CNTLN: variants seen among roughly 807,000 people sequenced by gnomAD.
CNTLN encodes centlein.
In CNTLN, 212 loss-of-function variants were observed where a neutral mutation model predicts 180.0. The observed-to-expected ratio is 1.18, with a 90% CI of 1.05 to 1.32. The LOEUF (loss-of-function observed/expected upper bound fraction) is 1.32, where lower values mean the gene tolerates loss of function less well. Among genes scored for constraint, CNTLN ranks in the 40% most tolerant of loss-of-function variants. The pLI is 0.00. For missense variants in CNTLN, 2,095 were observed against 1,610.9 expected, an observed-to-expected ratio of 1.30 and a Z score of -5.14; for synonymous variants, 722 against 563.1, an observed-to-expected ratio of 1.28 and a Z score of -3.99.
At chr9:17,135,450 C>T (rs749223049) in intron 1 of CNTLN, 25 bp downstream of exon 1, 4 of 1,575,148 alleles carry the variant, frequency 2.5e-6, no homozygotes, top group South Asian at 1.2e-5. Context: ...CGCAGTCCCC[C>T]TTTCCCCACC....
chr9:17,372,178 G>T (rs1245369418), intron 13 of CNTLN, among the ~76,000 whole-genome samples: 1 of 151,806 alleles, frequency 6.6e-6, no homozygotes, highest in Non-Finnish European at 1.5e-5. Context: ...ACAAAAAATT[G>T]GTTTATCAAA....
chr9:17,472,347 C>T (rs916549153), intron 23 of CNTLN, among the ~76,000 whole-genome samples: 4 of 152,034 alleles, frequency 2.6e-5, no homozygotes, highest in Non-Finnish European at 5.9e-5. Context: ...ATTAGAGTCA[C>T]GCACCCCAAT....
At chr9:17,480,982 C>T (rs1011929680) in intron 23 of CNTLN, among the ~76,000 whole-genome samples, 2 of 152,146 alleles carry the variant, frequency 1.3e-5, no homozygotes, top group Non-Finnish European at 2.9e-5. Context: ...AGACAGGGAG[C>T]CAAGCTGACA....
intron 8 of CNTLN, among the ~76,000 whole-genome samples, chr9:17,327,411 C>T (rs1478409906): frequency 6.6e-6 from 1 of 151,252 alleles, no homozygotes; most frequent in Non-Finnish European, 1.5e-5. Flanking sequence ...GTCTCGATCT[C>T]CTGACCTCGT....
chr9:17,359,360 A>G (rs1823110619), intron 12 of CNTLN, among the ~76,000 whole-genome samples: 1 of 152,064 alleles, frequency 6.6e-6, no homozygotes, highest in South Asian at 2.1e-4. Context: ...ATAGAAATGA[A>G]AAATTGATAA....
rs752636754 is a variant in CNTLN at position 17,332,675 on chromosome 9, A to G, written c.1589A>G (p.Lys530Arg). The change falls in exon 10 of 26, where the codon AAG (lysine) becomes AGG (arginine). Residue 530 changes from lysine to arginine, a missense_variant. Transcript: ENST00000380647. ...SSFTDSEELQ[K>R]LRKAERKIEN... ...TTCACAGACTCAGAAGAGCTACAGA[A>G]GCTGAGAAAAGCTGAAAGAAAGATT... 3.7e-6 allele frequency: 6 copies of G among 1,607,760 alleles called. No homozygotes were observed. The Middle Eastern group carries it at 6.6e-4, about 177-fold the overall frequency.
rs148590861 is a variant in CNTLN at position 17,202,025 on chromosome 9, T to C, written c.450-24178T>C. Among the ~76,000 whole-genome samples, 399 of 152,326 alleles carry C rather than the reference T, an allele frequency of 2.6e-3. 6 individuals are homozygous for C. The highest frequency in any genetic ancestry group is 9.1e-3 in the African/African-American group (380 of 41,576). ...CTTTAGACGTGTCCAGAAATTCTGG[T>C]ATGTTGTCTCTTTGTTCTCATTGTT... On this transcript the variant is annotated intron_variant, in intron 2 of 25. Transcript: ENST00000380647.
At chr9:17,484,506 T>G (rs1832804819) in intron 24 of CNTLN, 26 bp downstream of exon 24, 3 of 1,545,384 alleles carry the variant, frequency 1.9e-6, no homozygotes, top group Non-Finnish European at 2.6e-6. Context: ...TATTTATTAT[T>G]AAAGGGTTTA....
At chr9:17,162,801 C>T (rs945070747) in intron 2 of CNTLN, among the ~76,000 whole-genome samples, 2 of 152,074 alleles carry the variant, frequency 1.3e-5, no homozygotes, top group African/African-American at 2.4e-5. Flanking sequence ...ACATTTCTAA[C>T]TGGGCAGGGT....
At chr9:17,178,453 G>A (rs1820878309) in intron 2 of CNTLN, among the ~76,000 whole-genome samples, 1 of 152,182 alleles carries the variant, frequency 6.6e-6, no homozygotes, top group Admixed American at 6.5e-5. Context: ...TGGGCGCCCT[G>A]GAATAGGGAG....
intron 8 of CNTLN, among the ~76,000 whole-genome samples, chr9:17,314,136 A>G (rs987696241): frequency 3.9e-5 from 6 of 152,206 alleles, no homozygotes; most frequent in African/African-American, 1.4e-4. Flanking sequence ...GTTATGCCCA[A>G]CTTGCTCTTA....
intron 6 of CNTLN, among the ~76,000 whole-genome samples, chr9:17,285,016 A>G (rs1271297093): frequency 6.9e-6 from 1 of 143,988 alleles, no homozygotes; most frequent in East Asian, 2.0e-4. Context: ...TTTTTTTTTT[A>G]ATTATACTTT....
intron 2 of CNTLN, among the ~76,000 whole-genome samples, chr9:17,161,634 A>G (rs1008663982): frequency 6.6e-6 from 1 of 152,226 alleles, no homozygotes; most frequent in Non-Finnish European, 1.5e-5. Flanking sequence ...AATTAGTATT[A>G]GTAATACGTT....
intron 7 of CNTLN, among the ~76,000 whole-genome samples, chr9:17,304,579 G>C (rs1047574492): frequency 6.6e-6 from 1 of 152,058 alleles, no homozygotes; most frequent in Non-Finnish European, 1.5e-5. Context: ...GCTATAAATA[G>C]TACAGTTTTC....
chr9:17,197,403 T>TTTTA (rs1270807808), intron 2 of CNTLN, among the ~76,000 whole-genome samples: 7 of 152,098 alleles, frequency 4.6e-5, no homozygotes, highest in Admixed American at 1.3e-4. Flanking sequence ...TTGAGCATCT[T>TTTTA]TTTATTTATT....
chr9:17,144,281 C>G (rs1818297734), intron 2 of CNTLN, among the ~76,000 whole-genome samples: 1 of 152,112 alleles, frequency 6.6e-6, no homozygotes, highest in Non-Finnish European at 1.5e-5. Flanking sequence ...TCAGTTTCTT[C>G]TCATGTTGCT....
chr9:17,172,095 T>C (rs1003461237), intron 2 of CNTLN, among the ~76,000 whole-genome samples: 1 of 152,182 alleles, frequency 6.6e-6, no homozygotes, highest in South Asian at 2.1e-4. Context: ...CTGTTGCATA[T>C]GTGAGGTTGC....
At chr9:17,484,932 T>C (rs1249119232) in intron 24 of CNTLN, among the ~76,000 whole-genome samples, 6 of 152,170 alleles carry the variant, frequency 3.9e-5, no homozygotes, top group Admixed American at 3.9e-4. Context: ...TTCACCAGTA[T>C]ACGCTTTGAA....
intron 3 of CNTLN, among the ~76,000 whole-genome samples, chr9:17,230,405 A>G (rs1411719196): frequency 1.3e-5 from 2 of 148,450 alleles, no homozygotes; most frequent in African/African-American, 5.1e-5. Flanking sequence ...GGGGGAGGAG[A>G]GGAAGCGGTC....
Sources: allele counts gnomAD v4.1 joint callset (sites outside exome capture counted in the v4.1 genomes callset), GRCh38; gene constraint gnomAD v4.1.1; transcripts MANE v1.5; gene names NCBI Gene and HGNC (gene_info 2026-07-23, HGNC 2026-07-21).